UGT1A9: variants seen among roughly 807,000 people sequenced by gnomAD.
UGT1A9 encodes UDP glucuronosyltransferase family 1 member A9.
In UGT1A9, 35 loss-of-function variants were observed where a neutral mutation model predicts 45.0. The ratio of observed to expected loss-of-function variants is 0.78; its 90% CI spans 0.59 to 1.03. UGT1A9 has a LOEUF of 1.03. UGT1A9 is among the 50% of genes least tolerant of loss of function. The pLI, the probability that UGT1A9 is intolerant of heterozygous loss-of-function variation, is 0.00. For missense variants in UGT1A9, 687 were observed against 666.6 expected (o/e 1.03, Z -0.34); for synonymous variants, 278 against 250.6 (o/e 1.11, Z -1.03).
At chr2:233,729,380 C>T (rs1362745678) in intron 1 of UGT1A9, 2 of 1,613,892 alleles carry the variant, frequency 1.2e-6, no homozygotes, top group Admixed American at 3.3e-5. Flanking sequence ...ATTTCGTGGA[C>T]CCAGGATGAA....
chr2:233,737,993 C>T (rs1690655503), intron 1 of UGT1A9, among the ~76,000 whole-genome samples: 1 of 151,916 alleles, frequency 6.6e-6, no homozygotes, highest in African/African-American at 2.4e-5. Flanking sequence ...GCTCTGTGTC[C>T]CCCACCAAAT....
chr2:233,713,057 C>T (rs145133773), intron 1 of UGT1A9: 14 of 1,613,998 alleles, frequency 8.7e-6, no homozygotes, highest in Non-Finnish European at 1.2e-5. Flanking sequence ...TCCTCAGTGT[C>T]CAGCCCTGGG....
intron 1 of UGT1A9, among the ~76,000 whole-genome samples, chr2:233,740,100 A>G (rs17862874): frequency 0.037 from 5,662 of 151,960 alleles, 157 homozygotes; most frequent in Non-Finnish European, 0.057. Context: ...CATGTGAGAC[A>G]TGCCTTTGCT....
chr2:233,712,903 T>G (rs2076260493), intron 1 of UGT1A9: 18 of 1,609,700 alleles, frequency 1.1e-5, no homozygotes, highest in Non-Finnish European at 1.4e-5. Context: ...TTGCTAGGTG[T>G]CTCAGTGACA....
intron 1 of UGT1A9, chr2:233,721,895 C>A: frequency 2.1e-6 from 1 of 474,970 alleles, no homozygotes; most frequent in Non-Finnish European, 4.2e-6. Context: ...ATTGCAATAT[C>A]GAAATGGTGC....
intron 1 of UGT1A9, chr2:233,748,143 A>G (rs1693880187): frequency 6.2e-7 from 1 of 1,607,740 alleles, no homozygotes; most frequent in Non-Finnish European, 8.5e-7. Flanking sequence ...AATTGTATTT[A>G]CTTACAATTG....
chr2:233,692,242 TA>T (rs2075086970), intron 1 of UGT1A9: 1 of 152,356 alleles, frequency 6.6e-6, no homozygotes, highest in Non-Finnish European at 1.5e-5. Context: ...TCCATGGCCA[TA>T]CCCCCATATC....
At chr2:233,692,541 G>C (rs2075101526) in intron 1 of UGT1A9, among the ~76,000 whole-genome samples, 1 of 152,154 alleles carries the variant, frequency 6.6e-6, no homozygotes, top group African/African-American at 2.4e-5. Context: ...ATTCAGTTCA[G>C]AATGGAATTG....
Position 233,772,682 on chromosome 2 carries a change from G to T in UGT1A9, c.*123G>T. 2.0e-6 allele frequency: 3 copies of T among 1,494,758 alleles called. No individual in the cohort carries two copies. Among genetic ancestry groups the T allele is most frequent in the East Asian group, 2.5e-5 (1 of 40,656 alleles). 92.6% of individuals were successfully genotyped at this position (1,494,758 alleles called of 1,614,324 possible). A position where few individuals can be genotyped will look rare whatever the true frequency, so the allele number is the denominator to read the frequency against. ...GGAAATACTTTGCATAAATTAATCA[G>T]CCCCAGAGTGCTTTAAAAAATTCTC... On this transcript the variant is annotated 3_prime_UTR_variant, in exon 5 of 5. Coordinates refer to ENST00000354728, the MANE Select transcript of UGT1A9 (RefSeq NM_021027.3).
rs761652085 is a variant in UGT1A9, at chr2:233,739,540, G to A, written c.856-27494G>A. On this transcript the variant is annotated intron_variant, in intron 1 of 4. Transcript: ENST00000354728. ...TGAAGTCAAGGGAGATTATTTTGGA[G>A]CTTTAAGATTTAATGACTGCCCTGC... Among the ~76,000 whole-genome samples, 14 of 152,360 alleles carry A rather than the reference G, an allele frequency of 9.2e-5. No homozygotes were observed. The South Asian group carries it at 2.1e-3, about 23-fold the overall frequency.
Position 233,693,031 on chromosome 2 carries a change from G to A in UGT1A9, c.855+20242G>A, listed in dbSNP as rs766815979. ...TGGCCTGCCTCCTTCGCTCATTTCAGAGAATTTCTGCAGGGGTTTTCTTCT... is the reference window on the plus strand; with the variant it reads ...TGGCCTGCCTCCTTCGCTCATTTCAAAGAATTTCTGCAGGGGTTTTCTTCT... On this transcript the variant is annotated intron_variant, in intron 1 of 4. Coordinates refer to ENST00000354728, the MANE Select transcript of UGT1A9 (RefSeq NM_021027.3). 16 of 1,614,172 alleles carry A rather than the reference G, an allele frequency of 9.9e-6. No individual in the cohort carries two copies. In the South Asian group the frequency reaches 1.4e-4, roughly 14 times the overall value.
rs1177924904 is a variant in UGT1A9 at position 233,693,377 on chromosome 2, A to G, written c.855+20588A>G. The G allele has an allele frequency of 3.7e-6, 6 of 1,614,142 alleles. No individual in the cohort carries two copies. Among genetic ancestry groups the G allele is most frequent in the Non-Finnish European group, 2.5e-6 (3 of 1,180,026 alleles). On this transcript the variant is annotated intron_variant, in intron 1 of 4. Transcript: ENST00000354728. ...GATTGTTATTGGCCTGTACTTCATCAACTGCCAGAGCCTCCTGCAGGACAG... is the reference window on the plus strand; with the variant it reads ...GATTGTTATTGGCCTGTACTTCATCGACTGCCAGAGCCTCCTGCAGGACAG...
intron 1 of UGT1A9, 151 bp downstream of exon 1, chr2:233,672,940 C>T (rs893353525): frequency 1.6e-5 from 23 of 1,396,402 alleles, no homozygotes; most frequent in African/African-American, 2.9e-5. Flanking sequence ...TGCGTGTACT[C>T]GTCAGTAGCA....
intron 1 of UGT1A9, among the ~76,000 whole-genome samples, chr2:233,706,003 C>T (rs1335760458): frequency 6.6e-6 from 1 of 152,124 alleles, no homozygotes; most frequent in African/African-American, 2.4e-5. Context: ...GTGTGAGAAT[C>T]ACTTGCACTT....
chr2:233,738,152 A>C (rs1172003617), intron 1 of UGT1A9, among the ~76,000 whole-genome samples: 1 of 152,050 alleles, frequency 6.6e-6, no homozygotes, highest in Non-Finnish European at 1.5e-5. Flanking sequence ...CTTGCAAGCT[A>C]TTCCTCTTTC....
Position 233,729,793 on chromosome 2 carries a change from A to C in UGT1A9, c.856-37241A>C, listed in dbSNP as rs145403444. 3.6e-5 allele frequency: 58 copies of C among 1,613,368 alleles called. No homozygotes were observed. The African/African-American group carries it at 3.9e-4, about 11-fold the overall frequency. ...GCTCTACCCTCTGGCCCTGTCCTAC[A>C]TTTGCCATGCTTTTTCTGCTCCTTA... On this transcript the variant is annotated intron_variant, in intron 1 of 4. Transcript: ENST00000354728.
At chr2:233,713,122 T>A (rs2076280431) in intron 1 of UGT1A9, 1 of 1,614,100 alleles carries the variant, frequency 6.2e-7, no homozygotes, top group South Asian at 1.1e-5. Context: ...TGGCTCAGCA[T>A]GCGGGAGGCC....
intron 1 of UGT1A9, among the ~76,000 whole-genome samples, chr2:233,674,389 C>T (rs904545171): frequency 6.6e-6 from 1 of 152,126 alleles, no homozygotes; most frequent in Non-Finnish European, 1.5e-5. Context: ...CTTTACCCTC[C>T]ATAAATTATA....
At chr2:233,683,924 T>C (rs533531080) in intron 1 of UGT1A9, among the ~76,000 whole-genome samples, 1 of 152,336 alleles carries the variant, frequency 6.6e-6, no homozygotes, top group African/African-American at 2.4e-5. Context: ...AGTTCCAAAA[T>C]ATTATTAATA....
Sources: gnomAD v4.1 joint callset for allele counts (sites outside exome capture counted in the v4.1 genomes callset) on GRCh38, gnomAD v4.1.1 for gene constraint, MANE v1.5 for transcripts, NCBI Gene and HGNC (gene_info 2026-07-23, HGNC 2026-07-21) for gene names.